ZFPM2: variants seen among roughly 807,000 people sequenced by gnomAD.
ZFPM2 encodes the protein zinc finger protein ZFPM2.
A neutral mutation model predicts 98.6 loss-of-function variants in ZFPM2; 20 were observed. The observed-to-expected ratio is 0.20, with a 90% CI of 0.14 to 0.29. The LOEUF (loss-of-function observed/expected upper bound fraction) is 0.29, where lower values mean the gene tolerates loss of function less well. ZFPM2 is among the 10% of genes least tolerant of loss of function. The probability of loss-of-function intolerance (pLI) is 1.00; values close to 1 mark genes in which losing one functional copy is unlikely to be tolerated. For synonymous variants in ZFPM2, 518 were observed against 502.7 expected (o/e 1.03, Z -0.41); for missense variants, 1,310 against 1,388.6 (o/e 0.94, Z 0.90).
At chr8:105,731,334 A>T (rs1303612211) in intron 5 of ZFPM2, among the ~76,000 whole-genome samples, 1 of 151,420 alleles carries the variant, frequency 6.6e-6, no homozygotes, top group East Asian at 2.0e-4. Context: ...GCTTGATAAA[A>T]CAATATTTGC....
intron 5 of ZFPM2, among the ~76,000 whole-genome samples, chr8:105,671,759 G>A (rs1424640227): frequency 6.6e-6 from 1 of 151,904 alleles, no homozygotes; most frequent in Non-Finnish European, 1.5e-5. Flanking sequence ...CAAGACTTTT[G>A]GGAACTTGAC....
chr8:105,549,173 T>C (rs1162858334), intron 3 of ZFPM2, among the ~76,000 whole-genome samples: 1 of 151,958 alleles, frequency 6.6e-6, no homozygotes. Context: ...AAATCTGCCA[T>C]CTCTATACTC....
At chr8:105,787,526 C>T (rs1308880158) in intron 5 of ZFPM2, 3 of 152,186 alleles carry the variant, frequency 2.0e-5, no homozygotes, top group African/African-American at 7.2e-5. Context: ...CTGTGCAACT[C>T]TGCCATATCA....
At chr8:105,729,475 A>T (rs980803627) in intron 5 of ZFPM2, among the ~76,000 whole-genome samples, 7 of 151,672 alleles carry the variant, frequency 4.6e-5, no homozygotes, top group African/African-American at 1.7e-4. Context: ...TATATTATGC[A>T]TAATAATGTA....
rs1322666904 is a variant in ZFPM2, at chr8:105,764,937, A to C, written c.533-23781A>C. Among the ~76,000 whole-genome samples the C allele has an allele frequency of 2.0e-5, 3 of 151,946 alleles. No homozygotes were observed. The East Asian group carries it at 5.8e-4, about 30-fold the overall frequency. On this transcript the variant is annotated intron_variant, in intron 5 of 7. Coordinates refer to ENST00000407775, the MANE Select transcript of ZFPM2 (RefSeq NM_012082.4). Reference sequence around the variant, plus strand: ...ACCTCTCTTCCTTTCCTTCAGGCAAACATGGGCTCTAGCTTTCAGAATTCA... The same window carrying C: ...ACCTCTCTTCCTTTCCTTCAGGCAACCATGGGCTCTAGCTTTCAGAATTCA...
At chr8:105,797,953 A>ATCTT (rs1813882234) in intron 6 of ZFPM2, 1 of 152,168 alleles carries the variant, frequency 6.6e-6, no homozygotes, top group South Asian at 2.1e-4. Flanking sequence ...CAGCTGTTTC[A>ATCTT]TCTTTCATTT....
intron 5 of ZFPM2, among the ~76,000 whole-genome samples, chr8:105,745,798 C>T (rs140106910): frequency 0.01 from 1,535 of 152,146 alleles, 29 homozygotes; most frequent in African/African-American, 0.034. Flanking sequence ...CTTGCTCTGT[C>T]GCCCAGGCTG....
chr8:105,457,109 C>A (rs1460649840), intron 3 of ZFPM2, among the ~76,000 whole-genome samples: 1 of 152,096 alleles, frequency 6.6e-6, no homozygotes, highest in African/African-American at 2.4e-5. Flanking sequence ...TTGTACTATG[C>A]ATTTGATATG....
intron 1 of ZFPM2, among the ~76,000 whole-genome samples, chr8:105,341,297 A>G (rs1216314671): frequency 6.6e-6 from 1 of 151,902 alleles, no homozygotes; most frequent in Non-Finnish European, 1.5e-5. Flanking sequence ...TGATATTTGC[A>G]TTTTCAACAA....
chr8:105,656,530 A>G (rs955163195), intron 5 of ZFPM2, among the ~76,000 whole-genome samples: 8 of 152,262 alleles, frequency 5.3e-5, no homozygotes, highest in African/African-American at 1.9e-4. Flanking sequence ...GTTTAAGAAA[A>G]CAGATGAGTC....
intron 1 of ZFPM2, among the ~76,000 whole-genome samples, chr8:105,339,279 T>C (rs1376715441): frequency 6.6e-6 from 1 of 151,826 alleles, no homozygotes; most frequent in Admixed American, 6.6e-5. Flanking sequence ...TTCCATCTTT[T>C]TTTGCTAGGG....
chr8:105,515,248 C>T (rs1040978666), intron 3 of ZFPM2, among the ~76,000 whole-genome samples: 2 of 152,236 alleles, frequency 1.3e-5, no homozygotes, highest in Non-Finnish European at 2.9e-5. Flanking sequence ...TCAGATTTTT[C>T]TCATGCAAAT....
intron 5 of ZFPM2, among the ~76,000 whole-genome samples, chr8:105,656,053 A>C (rs933803772): frequency 2.0e-5 from 3 of 152,186 alleles, no homozygotes; most frequent in Non-Finnish European, 2.9e-5. Context: ...AGTGACCAAA[A>C]CAAACAATAA....
intron 1 of ZFPM2, among the ~76,000 whole-genome samples, chr8:105,338,575 A>C (rs1812367748): frequency 6.6e-6 from 1 of 151,898 alleles, no homozygotes; most frequent in South Asian, 2.1e-4. Flanking sequence ...GAAAGGAATA[A>C]AGCCATTAGT....
chr8:105,671,103 CAG>C (rs1817585579), intron 5 of ZFPM2, among the ~76,000 whole-genome samples: 1 of 152,076 alleles, frequency 6.6e-6, no homozygotes, highest in East Asian at 1.9e-4. Context: ...CTCTTTAAAA[CAG>C]GGAACTAGAA....
intron 5 of ZFPM2, among the ~76,000 whole-genome samples, chr8:105,688,920 C>G (rs1172633596): frequency 1.3e-5 from 2 of 152,154 alleles, no homozygotes; most frequent in Admixed American, 6.5e-5. Flanking sequence ...CATACCAATA[C>G]AGAATAAATT....
chr8:105,624,477 A>G (rs1816613616), intron 4 of ZFPM2, among the ~76,000 whole-genome samples: 1 of 152,196 alleles, frequency 6.6e-6, no homozygotes, highest in Admixed American at 6.6e-5. Flanking sequence ...GGAAAGAGAA[A>G]TGAGTCTATT....
chr8:105,508,480 C>T (rs1164175030), intron 3 of ZFPM2, among the ~76,000 whole-genome samples: 2 of 152,160 alleles, frequency 1.3e-5, no homozygotes, highest in African/African-American at 4.8e-5. Context: ...GTATTTCTCT[C>T]GTAACAATTA....
At chr8:105,539,792 C>T (rs1268014499) in intron 3 of ZFPM2, among the ~76,000 whole-genome samples, 1 of 152,156 alleles carries the variant, frequency 6.6e-6, no homozygotes, top group Non-Finnish European at 1.5e-5. Flanking sequence ...TCTGTCGTTT[C>T]ACAAATGTTA....
Sources: gnomAD v4.1 joint callset for allele counts (sites outside exome capture counted in the v4.1 genomes callset) on GRCh38, gnomAD v4.1.1 for gene constraint, MANE v1.5 for transcripts, NCBI Gene and HGNC (gene_info 2026-07-23, HGNC 2026-07-21) for gene names.